STAC2: variants seen among roughly 807,000 people sequenced by gnomAD.
STAC2 encodes SH3 and cysteine rich domain 2.
A neutral mutation model predicts 49.0 loss-of-function variants in STAC2; 36 were observed. The ratio of observed to expected loss-of-function variants is 0.74; its 90% CI spans 0.56 to 0.97. The LOEUF (loss-of-function observed/expected upper bound fraction) is 0.97, where lower values mean the gene tolerates loss of function less well. Among genes scored for constraint, STAC2 ranks in the 50% least tolerant of loss-of-function variants. The pLI is 0.00. For synonymous variants in STAC2, 239 were observed against 214.7 expected (o/e 1.11, Z -0.99); for missense variants, 527 against 543.8 (o/e 0.97, Z 0.31).
In STAC2 at chr17:39,212,984, C is replaced by T. The variant is rs755857241; in HGVS notation, c.1131+11G>A. On this transcript the variant is annotated intron_variant, in intron 10 of 10. Transcript: ENST00000333461. The stretch of plus-strand genomic sequence containing the variant: ...CCGCCATAGGGCCTGGGCTGGGCCT[C>T]AGGCACTCACCTGGTTCTCCTTGAG... 4.3e-6 allele frequency: 7 copies of T among 1,613,518 alleles called. No homozygotes were observed. The highest frequency in any genetic ancestry group is 2.2e-5 in the East Asian group (1 of 44,868).
At chr17:39,217,790 T>C in intron 2 of STAC2, 77 bp downstream of exon 2, 1 of 1,423,762 alleles carries the variant, frequency 7.0e-7, no homozygotes, top group Non-Finnish European at 9.5e-7. Flanking sequence ...CCCAATAATA[T>C]TGGGCGCAAC....
chr17:39,215,103 T>G lies in STAC2; in HGVS notation c.699+15A>C, dbSNP rs769955986. On this transcript the variant is annotated intron_variant, in intron 5 of 10. Transcript: ENST00000333461. Reference sequence around the variant, plus strand: ...CACCCCTCCCCAAAAGACCCCCCCTTTTTGCCCACCATACCAGGCTCCTTG... The same window carrying G: ...CACCCCTCCCCAAAAGACCCCCCCTGTTTGCCCACCATACCAGGCTCCTTG... 52 of 1,613,846 alleles carry G rather than the reference T, an allele frequency of 3.2e-5. No individual in the cohort carries two copies. The East Asian group carries it at 1.1e-3, about 35-fold the overall frequency.
At position 39,215,249 on chromosome 17, in the gene STAC2, C is replaced by G; in HGVS notation, c.587-19G>C. 1 of 1,613,078 alleles carries G rather than the reference C, an allele frequency of 6.2e-7. No individual in the cohort carries two copies. Among genetic ancestry groups the G allele is most frequent in the Non-Finnish European group, 8.5e-7 (1 of 1,179,250 alleles). On this transcript the variant is annotated intron_variant, in intron 4 of 10. Coordinates refer to ENST00000333461, the MANE Select transcript of STAC2 (RefSeq NM_198993.5). The stretch of plus-strand genomic sequence containing the variant: ...CTGTCCCCTGCAGATTATCCACCCT[C>G]AAGGCCTGGCTCTGCCTCAAAGCCC...
rs561256518 is a variant in STAC2, at chr17:39,225,087, G to A, written c.90+326C>T. ...CGGCGGCCGCTGGAGGGTGCGCCTC[G>A]CACGCACAGCCGGGCGCGTACCCCG... On this transcript the variant is annotated intron_variant, in intron 1 of 10. Transcript: ENST00000333461. This position sits in a 1 kb window ranked among gnomAD's most constrained non-coding sequence, Gnocchi z 8.2. Among the ~76,000 whole-genome samples the A allele has an allele frequency of 1.6e-4, 24 of 152,166 alleles. No individual in the cohort carries two copies. The highest frequency in any genetic ancestry group is 2.8e-4 in the Non-Finnish European group (19 of 67,976).
Position 39,214,265 on chromosome 17 carries a change from A to G in STAC2, c.909T>C (p.Phe303=). The G allele has an allele frequency of 6.2e-7, 1 of 1,614,054 alleles. No homozygotes were observed. The highest frequency in any genetic ancestry group is 8.5e-7 in the Non-Finnish European group (1 of 1,179,948). Residue 303 remains phenylalanine (F), a synonymous_variant, in exon 8 of 11, where the codon TTT becomes TTC. Transcript: ENST00000333461. ...CCAGATCATTGTTCTCCTGGGGCAG[A>G]AACTTGTAGAGTGCAACGTAGGAGT... ...PMYSYVALYK[F]LPQENNDLAL...
rs750719087 is a variant in STAC2, at chr17:39,225,476, G to A, written c.27C>T (p.Asn9=). MTEMSEKE[N]EPDDAATHSP... ...TGTGGGTGGCCGCGTCATCCGGTTC[G>A]TTCTCCTTCTCGCTCATCTCGGTCA... Residue 9 remains asparagine (N), a synonymous_variant, in exon 1 of 11, where the codon AAC becomes AAT. Coordinates refer to ENST00000333461, the MANE Select transcript of STAC2 (RefSeq NM_198993.5). This position sits in a 1 kb window ranked among gnomAD's most constrained non-coding sequence, Gnocchi z 8.2. 1.9e-6 allele frequency: 3 copies of A among 1,610,402 alleles called. 1 individual carries two copies. In the South Asian group the frequency reaches 3.3e-5, roughly 18 times the overall value.
At chr17:39,216,153 T>C (rs562196526) in intron 4 of STAC2, among the ~76,000 whole-genome samples, 1 of 152,156 alleles carries the variant, frequency 6.6e-6, no homozygotes, top group Non-Finnish European at 1.5e-5. Context: ...GCTTTTTCTT[T>C]TCTCTTAATT....
At chr17:39,212,962 C>T in intron 10 of STAC2, 33 bp downstream of exon 10, 1 of 1,610,052 alleles carries the variant, frequency 6.2e-7, no homozygotes. Context: ...CCTCCCTCCG[C>T]CATAGGGCCT....
intron 1 of STAC2, among the ~76,000 whole-genome samples, chr17:39,224,593 G>A (rs1049687015): frequency 3.9e-5 from 6 of 152,196 alleles, no homozygotes; most frequent in Non-Finnish European, 7.3e-5. Flanking sequence ...ATTTATTCAT[G>A]GTGACTCCCT....
chr17:39,214,429 A>C, intron 7 of STAC2, 99 bp from the exon 8 acceptor site: 2 of 1,569,688 alleles, frequency 1.3e-6, no homozygotes, highest in Non-Finnish European at 1.7e-6. Flanking sequence ...CTGTGAGGGG[A>C]CACAGTGAGT....
At chr17:39,224,502 G>A (rs1041244275) in intron 1 of STAC2, among the ~76,000 whole-genome samples, 1 of 152,224 alleles carries the variant, frequency 6.6e-6, no homozygotes, top group Non-Finnish European at 1.5e-5. Flanking sequence ...GAGGTCGGGG[G>A]AGTGCTGAGT....
chr17:39,223,345 A>C (rs2046479846), intron 1 of STAC2, among the ~76,000 whole-genome samples: 1 of 152,154 alleles, frequency 6.6e-6, no homozygotes, highest in African/African-American at 2.4e-5. Flanking sequence ...TGCCCTGCTG[A>C]ATACCCCCGA....
rs5820281 is a variant in STAC2 at position 39,211,289 on chromosome 17, CTTT to C, written c.*1000_*1002del. On this transcript the variant is annotated 3_prime_UTR_variant, in exon 11 of 11. Coordinates refer to ENST00000333461, the MANE Select transcript of STAC2 (RefSeq NM_198993.5). Reference sequence around the variant, plus strand: ...CTCTTGGGTTTCCTTTTCTTTCTTTCTTTTTTTTTTTTTGAGACGGAGTCTCGC... The same window carrying C: ...CTCTTGGGTTTCCTTTTCTTTCTTTCTTTTTTTTTTGAGACGGAGTCTCGC... 2 of 139,220 alleles carry C rather than the reference CTTT, an allele frequency of 1.4e-5. No homozygotes were observed. The highest frequency in any genetic ancestry group is 1.6e-5 in the Non-Finnish European group (1 of 62,094). 8.6% of individuals were successfully genotyped at this position (139,220 alleles called of 1,614,324 possible).
rs2046359517 is a variant in STAC2, at chr17:39,212,114, C to A, written c.*178G>T. Reference sequence around the variant, plus strand: ...GAGGATCAACCCACTCAGGGCACCCCACCCAAGAAATAAAATCTTCCCCAG... The same window carrying A: ...GAGGATCAACCCACTCAGGGCACCCAACCCAAGAAATAAAATCTTCCCCAG... On this transcript the variant is annotated 3_prime_UTR_variant, in exon 11 of 11. Coordinates refer to ENST00000333461, the MANE Select transcript of STAC2 (RefSeq NM_198993.5). 2 of 457,320 alleles carry A rather than the reference C, an allele frequency of 4.4e-6. No individual in the cohort carries two copies. The highest frequency in any genetic ancestry group is 4.0e-6 in the Non-Finnish European group (1 of 249,490). 28.3% of individuals were successfully genotyped at this position (457,320 alleles called of 1,614,324 possible).
At chr17:39,214,712 C>A in intron 7 of STAC2, 79 bp downstream of exon 7, 1 of 1,505,676 alleles carries the variant, frequency 6.6e-7, no homozygotes, top group Non-Finnish European at 9.1e-7. Flanking sequence ...TGCTCTTGCC[C>A]CCCTATGAAT....
rs1362619878 is a variant in STAC2 at position 39,212,034 on chromosome 17, C to T, written c.*258G>A. The T allele has an allele frequency of 5.0e-6, 2 of 398,986 alleles. No individual in the cohort carries two copies. Among genetic ancestry groups the T allele is most frequent in the Admixed American group, 4.3e-5 (1 of 23,018 alleles). 24.7% of individuals were successfully genotyped at this position (398,986 alleles called of 1,614,324 possible). ...CTGGGGTGCCTGGGCGTTGGGTGGA[C>T]CTACCTGTAGCTTCCTCATTCCCTC... On this transcript the variant is annotated 3_prime_UTR_variant, in exon 11 of 11. Coordinates refer to ENST00000333461, the MANE Select transcript of STAC2 (RefSeq NM_198993.5).
At position 39,225,673 on chromosome 17, in the gene STAC2, C is replaced by T. The variant is rs571188594; in HGVS notation, c.-171G>A. The T allele has an allele frequency of 4.5e-6, 3 of 668,792 alleles. No individual in the cohort carries two copies. The highest frequency in any genetic ancestry group is 1.9e-5 in the African/African-American group (1 of 53,562). The allele number at this position is 668,792 out of a possible 1,614,324, so 41.4% of individuals were successfully genotyped here. On this transcript the variant is annotated 5_prime_UTR_variant, in exon 1 of 11. Coordinates refer to ENST00000333461, the MANE Select transcript of STAC2 (RefSeq NM_198993.5). The surrounding 1 kb of genome is among the most constrained non-coding windows in gnomAD (Gnocchi z 8.2). ...CGCGGGAGCGGGCAGAGAAAGTTGCCGGGGTGGCGGGCGAGGGGAGGCCAC... is the reference window on the plus strand; with the variant it reads ...CGCGGGAGCGGGCAGAGAAAGTTGCTGGGGTGGCGGGCGAGGGGAGGCCAC...
intron 2 of STAC2, 42 bp from the exon 3 acceptor site, chr17:39,217,215 G>T: frequency 6.3e-7 from 1 of 1,591,952 alleles, no homozygotes; most frequent in South Asian, 1.1e-5. Flanking sequence ...CACCCCCGTG[G>T]GCAACAGGCA....
chr17:39,217,577 G>A (rs778931042), intron 2 of STAC2, among the ~76,000 whole-genome samples: 6 of 152,128 alleles, frequency 3.9e-5, no homozygotes, highest in Non-Finnish European at 7.4e-5. Context: ...TTTAAAATTA[G>A]CTGGGCATGG....
Sources: gnomAD v4.1 joint callset for allele counts (sites outside exome capture counted in the v4.1 genomes callset) on GRCh38, gnomAD v4.1.1 for gene constraint, Gnocchi (gnomAD v3.1) non-coding constraint, MANE v1.5 for transcripts, NCBI Gene and HGNC (gene_info 2026-07-23, HGNC 2026-07-21) for gene names.